Variants in SIPA1L1 observed in about 807,000 individuals in gnomAD.
The protein encoded by SIPA1L1 is signal-induced proliferation-associated 1-like protein 1.
SIPA1L1 carries 26 observed loss-of-function variants against 162.7 expected under a neutral mutation model. That is an observed-to-expected ratio of 0.16 (90% CI 0.12 to 0.22). SIPA1L1 has a LOEUF of 0.22. Among genes scored for constraint, SIPA1L1 ranks in the 10% least tolerant of loss-of-function variants. SIPA1L1 has a pLI of 1.00. For missense variants in SIPA1L1, 1,874 were observed against 2,241.0 expected (o/e 0.84, Z 3.31); for synonymous variants, 829 against 837.4 (o/e 0.99, Z 0.17).
intron 5 of SIPA1L1, among the ~76,000 whole-genome samples, chr14:71,611,024 C>T (rs2038146188): frequency 6.6e-6 from 1 of 152,186 alleles, no homozygotes; most frequent in Non-Finnish European, 1.5e-5. Context: ...GTTTAAATGT[C>T]CCCATCCATT....
In SIPA1L1 at chr14:71,689,861, C is replaced by T. The variant is rs138566586; in HGVS notation, c.3374+4230C>T. Among the ~76,000 whole-genome samples, 729 of 152,266 alleles carry T rather than the reference C, an allele frequency of 4.8e-3. 4 individuals carry two copies. Among genetic ancestry groups the T allele is most frequent in the Non-Finnish European group, 7.6e-3 (519 of 68,006 alleles). On this transcript the variant is annotated intron_variant, in intron 13 of 23. Coordinates refer to ENST00000381232, the MANE Select transcript of SIPA1L1 (RefSeq NM_001386936.1). ...GCCTCCCTCCCTCCTTCCTTACAGA[C>T]ACCAGCACCATATAGGGTGTGAATA...
chr14:71,509,112 G>A (rs2050907908), intron 2 of SIPA1L1, among the ~76,000 whole-genome samples: 1 of 152,168 alleles, frequency 6.6e-6, no homozygotes, highest in Admixed American at 6.5e-5. Context: ...TACTTGTAAC[G>A]AGTTACAGTT....
At chr14:71,542,527 C>CCTCTTCCTCCTCCT (rs1312625050) in intron 4 of SIPA1L1, among the ~76,000 whole-genome samples, 4 of 150,442 alleles carry the variant, frequency 2.7e-5, no homozygotes, top group African/African-American at 7.3e-5. Context: ...TCCTCCTCCT[C>CCTCTTCCTCCTCCT]CTCTTCCTCC....
Position 71,398,092 on chromosome 14 carries a change from T to C in SIPA1L1, c.-465+76911T>C, listed in dbSNP as rs574011522. On this transcript the variant is annotated intron_variant, in intron 2 of 23. Coordinates refer to ENST00000381232, the MANE Select transcript of SIPA1L1 (RefSeq NM_001386936.1). ...CTGCAGTGGCGCTATCTCTGCTCACTGCAACCTCCGCCTCCTGGGTTCACG... is the reference window on the plus strand; with the variant it reads ...CTGCAGTGGCGCTATCTCTGCTCACCGCAACCTCCGCCTCCTGGGTTCACG... Among the ~76,000 whole-genome samples the C allele has an allele frequency of 1.6e-4, 23 of 140,488 alleles. No homozygotes were observed. In the South Asian group the frequency reaches 5.5e-3, roughly 34 times the overall value. The allele number at this position is 140,488 out of a possible 152,430, so 92.2% of individuals were successfully genotyped here.
intron 2 of SIPA1L1, among the ~76,000 whole-genome samples, chr14:71,384,936 G>A (rs551867467): frequency 2.6e-5 from 4 of 152,306 alleles, no homozygotes; most frequent in African/African-American, 7.2e-5. Flanking sequence ...TGGCTGTGAT[G>A]TGGGGAATGA....
chr14:71,704,482 C>T (rs2082303885), intron 15 of SIPA1L1, among the ~76,000 whole-genome samples: 1 of 152,154 alleles, frequency 6.6e-6, no homozygotes, highest in African/African-American at 2.4e-5. Context: ...CACTTTTCTG[C>T]CTCTGCTTTT....
intron 2 of SIPA1L1, among the ~76,000 whole-genome samples, chr14:71,351,688 C>T (rs937583294): frequency 3.9e-5 from 6 of 152,042 alleles, no homozygotes; most frequent in African/African-American, 7.2e-5. Context: ...TGTTGAGAAG[C>T]GTTATTCAGA....
chr14:71,573,789 A>G (rs1327964173), intron 4 of SIPA1L1: 1 of 448,728 alleles, frequency 2.2e-6, no homozygotes, highest in Non-Finnish European at 4.5e-6. Context: ...CACTGTTAAC[A>G]GTGGTTACTG....
intron 12 of SIPA1L1, among the ~76,000 whole-genome samples, chr14:71,674,376 G>A (rs1282572822): frequency 6.6e-6 from 1 of 152,144 alleles, no homozygotes; most frequent in African/African-American, 2.4e-5. Context: ...GATAGATGGA[G>A]CCATGATAGG....
At chr14:71,331,246 T>G (rs987388595) in intron 2 of SIPA1L1, among the ~76,000 whole-genome samples, 1 of 152,254 alleles carries the variant, frequency 6.6e-6, no homozygotes, top group African/African-American at 2.4e-5. Context: ...TATTCTATTC[T>G]ATTGGTCTCT....
intron 8 of SIPA1L1, among the ~76,000 whole-genome samples, chr14:71,653,208 A>G (rs769064463): frequency 2.0e-5 from 3 of 152,116 alleles, no homozygotes; most frequent in Non-Finnish European, 2.9e-5. Flanking sequence ...CTTTTCTTGC[A>G]CCTCAGTACT....
intron 2 of SIPA1L1, among the ~76,000 whole-genome samples, chr14:71,429,134 G>A (rs117753895): frequency 1.4e-3 from 214 of 152,060 alleles, no homozygotes; most frequent in Non-Finnish European, 2.5e-3. Flanking sequence ...TTATTTCACC[G>A]TATTATTTAA....
chr14:71,380,109 CT>C (rs568213364), intron 2 of SIPA1L1, among the ~76,000 whole-genome samples: 84 of 152,238 alleles, frequency 5.5e-4, no homozygotes, highest in South Asian at 1.5e-3. Flanking sequence ...GAAATGTAAA[CT>C]TCACAGAGTT....
intron 2 of SIPA1L1, among the ~76,000 whole-genome samples, chr14:71,339,362 CTTTCT>C (rs1476860958): frequency 4.8e-5 from 6 of 124,146 alleles, no homozygotes; most frequent in African/African-American, 1.3e-4. Context: ...ACTTTTCTTT[CTTTCT>C]TTTTTTTTTT....
rs151109060 is a variant in SIPA1L1, at chr14:71,598,251, A to G, written c.1498+8881A>G. 238 of 984,338 alleles carry G rather than the reference A, an allele frequency of 2.4e-4. 2 individuals carry two copies. In the African/African-American group the frequency reaches 4.0e-3, roughly 17 times the overall value. The allele number at this position is 984,338 out of a possible 1,614,324, so 61.0% of individuals were successfully genotyped here. ...TTTTTACTATTGTAAACTTTACTGG[A>G]CACAACTGATGGAAGCTAAAATCAG... On this transcript the variant is annotated intron_variant, in intron 5 of 23. Transcript: ENST00000381232.
Position 71,471,030 on chromosome 14 carries a change from C to T in SIPA1L1, c.-464-41713C>T, listed in dbSNP as rs141130955. 1.1e-4 allele frequency among the ~76,000 whole-genome samples: 17 copies of T among 152,124 alleles called. No homozygotes were observed. The East Asian group carries it at 1.4e-3, about 12-fold the overall frequency. On this transcript the variant is annotated intron_variant, in intron 2 of 23. Transcript: ENST00000381232. ...TTTTTTGTATTTTTTTTAATAGAGA[C>T]GGGTTTTCACTGTATTAGCCAGGAT...
chr14:71,681,376 A>C (rs1178137780), intron 12 of SIPA1L1, among the ~76,000 whole-genome samples: 2 of 152,240 alleles, frequency 1.3e-5, no homozygotes, highest in African/African-American at 4.8e-5. Flanking sequence ...ATGGTATTGC[A>C]TAGAGTGGTC....
chr14:71,559,292 T>C (rs530591006), intron 4 of SIPA1L1, among the ~76,000 whole-genome samples: 1 of 152,080 alleles, frequency 6.6e-6, no homozygotes, highest in Non-Finnish European at 1.5e-5. Context: ...GGTCTTGAAC[T>C]CCTGACCTCA....
intron 8 of SIPA1L1, among the ~76,000 whole-genome samples, chr14:71,651,758 G>A (rs1040653746): frequency 6.6e-6 from 1 of 152,150 alleles, no homozygotes; most frequent in African/African-American, 2.4e-5. Flanking sequence ...ATAAGATTGT[G>A]TGTTATCTGT....
Sources: gnomAD v4.1 joint callset for allele counts (sites outside exome capture counted in the v4.1 genomes callset) on GRCh38, gnomAD v4.1.1 for gene constraint, MANE v1.5 for transcripts, NCBI Gene and HGNC (gene_info 2026-07-23, HGNC 2026-07-21) for gene names.